The following EIF4G3 variants were observed in gnomAD, a reference collection of about 807,000 sequenced individuals.
EIF4G3 encodes the protein eIF-4-gamma 3.
Under a neutral mutation model 186.4 loss-of-function variants are expected in EIF4G3, and 34 were observed. That is an observed-to-expected ratio of 0.18 (90% CI 0.14 to 0.24). The LOEUF (loss-of-function observed/expected upper bound fraction) is 0.24. Among genes scored for constraint, EIF4G3 ranks in the 10% least tolerant of loss-of-function variants. EIF4G3 has a pLI of 1.00. For synonymous variants in EIF4G3, 673 were observed against 679.5 expected, an observed-to-expected ratio of 0.99 and a Z score of 0.15; for missense variants, 1,536 against 1,948.5, an observed-to-expected ratio of 0.79 and a Z score of 3.99.
intron 14 of EIF4G3, among the ~76,000 whole-genome samples, chr1:20,927,643 C>T (rs187392681): frequency 6.6e-6 from 1 of 152,220 alleles, no homozygotes; most frequent in African/African-American, 2.4e-5. Flanking sequence ...AGAAGGGTCT[C>T]AGGTAGGAGA....
intron 29 of EIF4G3, chr1:20,847,868 G>A (rs915617011): frequency 2.1e-6 from 1 of 470,924 alleles, no homozygotes; most frequent in Non-Finnish European, 4.4e-6. Flanking sequence ...GAATTTCAGA[G>A]GCTTGAAGGC....
chr1:20,914,098 A>T (rs1266983385), intron 14 of EIF4G3, among the ~76,000 whole-genome samples: 1 of 148,792 alleles, frequency 6.7e-6, no homozygotes, highest in Non-Finnish European at 1.5e-5. Flanking sequence ...ATGAGCCACC[A>T]CGCCCTGCCT....
intron 3 of EIF4G3, among the ~76,000 whole-genome samples, chr1:21,086,765 C>G (rs946843573): frequency 6.6e-6 from 1 of 151,622 alleles, no homozygotes. Context: ...TATGGTGAAA[C>G]CCCATCTTTA....
chr1:20,951,470 T>C (rs1444603197), intron 12 of EIF4G3, among the ~76,000 whole-genome samples: 1 of 151,972 alleles, frequency 6.6e-6, no homozygotes, highest in Non-Finnish European at 1.5e-5. Flanking sequence ...ATAAAGAAAA[T>C]AGCACTGCTG....
intron 18 of EIF4G3, among the ~76,000 whole-genome samples, chr1:20,888,749 C>T (rs1426098035): frequency 1.3e-5 from 2 of 152,088 alleles, no homozygotes; most frequent in African/African-American, 4.8e-5. Context: ...ATCATCAACA[C>T]CAAAGGATCA....
chr1:20,988,377 A>C lies in EIF4G3; in HGVS notation c.178-5969T>G, dbSNP rs1364533990. The stretch of plus-strand genomic sequence containing the variant: ...ACTTCTCTTTAGCTAGGACTTTCAC[A>C]GCTAGTGAGAAGTCAATGCCTGGCA... On this transcript the variant is annotated intron_variant, in intron 7 of 36. Coordinates refer to ENST00000602326, the MANE Select transcript of EIF4G3 (RefSeq NM_001391906.1). The C allele has an allele frequency of 1.8e-5, 3 of 169,916 alleles. No homozygotes were observed. The Admixed American group carries it at 2.0e-4, about 11-fold the overall frequency. 10.5% of individuals were successfully genotyped at this position (169,916 alleles called of 1,614,324 possible). A position where few individuals can be genotyped will look rare whatever the true frequency, so the allele number is the denominator to read the frequency against.
intron 4 of EIF4G3, among the ~76,000 whole-genome samples, chr1:21,005,128 G>GA (rs909933156): frequency 1.3e-5 from 2 of 152,100 alleles, no homozygotes; most frequent in Non-Finnish European, 2.9e-5. Flanking sequence ...CTGAAAGGCT[G>GA]AAAGTTTGAC....
At chr1:21,090,381 A>T (rs1454913038) in intron 2 of EIF4G3, among the ~76,000 whole-genome samples, 1 of 152,216 alleles carries the variant, frequency 6.6e-6, no homozygotes, top group Admixed American at 6.5e-5. Flanking sequence ...TACACTTGCA[A>T]AGACTAAATT....
intron 14 of EIF4G3, among the ~76,000 whole-genome samples, chr1:20,912,564 A>T (rs1269282731): frequency 1.3e-5 from 2 of 152,194 alleles, no homozygotes; most frequent in Admixed American, 6.5e-5. Flanking sequence ...AAGACTTTCC[A>T]ACTATAGACA....
At chr1:21,148,070 C>T (rs1344626982) in intron 2 of EIF4G3, among the ~76,000 whole-genome samples, 2 of 152,068 alleles carry the variant, frequency 1.3e-5, no homozygotes, top group East Asian at 1.9e-4. Context: ...TCCAGCATGG[C>T]TTTTTTTCTT....
intron 18 of EIF4G3, chr1:20,892,573 A>G (rs2086452792): frequency 1.6e-6 from 2 of 1,260,092 alleles, no homozygotes; most frequent in African/African-American, 1.5e-5. Context: ...AGAAAATATT[A>G]TAACACCAGA....
At chr1:20,815,687 T>C (rs2060504457) in intron 34 of EIF4G3, among the ~76,000 whole-genome samples, 1 of 137,280 alleles carries the variant, frequency 7.3e-6, no homozygotes, top group Non-Finnish European at 1.6e-5. Context: ...AGCCGCCCCG[T>C]CCGGGAGGTG....
chr1:20,879,240 A>G (rs1444104957), intron 20 of EIF4G3, 83 bp downstream of exon 20: 9 of 1,099,446 alleles, frequency 8.2e-6, no homozygotes, highest in Admixed American at 2.9e-5. Context: ...TGTTGCCCCA[A>G]TAACACTTCT....
In EIF4G3 at chr1:20,975,881, C is replaced by T. The variant is rs528891474; in HGVS notation, c.494-2782G>A. On this transcript the variant is annotated intron_variant, in intron 10 of 36. Coordinates refer to ENST00000602326, the MANE Select transcript of EIF4G3 (RefSeq NM_001391906.1). The stretch of plus-strand genomic sequence containing the variant: ...ATAAAGTTTTATTGGAAGACACCCA[C>T]GTACAGTAGTTTATCAACTGTCTAT... 4.0e-5 allele frequency among the ~76,000 whole-genome samples: 6 copies of T among 151,848 alleles called. No homozygotes were observed. The South Asian group carries it at 1.0e-3, about 26-fold the overall frequency.
chr1:20,972,886 A>T, intron 11 of EIF4G3, 116 bp downstream of exon 11: 2 of 666,518 alleles, frequency 3.0e-6, no homozygotes, highest in Non-Finnish European at 2.2e-6. Context: ...GGGAAGAATA[A>T]AAAAAAAAAA....
chr1:21,072,907 T>C (rs2095485070), intron 3 of EIF4G3, among the ~76,000 whole-genome samples: 1 of 152,212 alleles, frequency 6.6e-6, no homozygotes, highest in African/African-American at 2.4e-5. Context: ...TATCAAGCTC[T>C]AGGAGGTTTA....
chr1:20,825,549 T>C (rs575346268), intron 32 of EIF4G3, among the ~76,000 whole-genome samples: 7 of 152,344 alleles, frequency 4.6e-5, no homozygotes, highest in South Asian at 2.1e-4. Context: ...TGGTGAATAA[T>C]TGAAGTACAG....
intron 14 of EIF4G3, among the ~76,000 whole-genome samples, chr1:20,910,631 C>T (rs1029825438): frequency 6.6e-6 from 1 of 152,054 alleles, no homozygotes; most frequent in Non-Finnish European, 1.5e-5. Context: ...TCTTGATTAT[C>T]TTTAGAAAAT....
rs145353891 is a variant in EIF4G3, at chr1:21,141,116, G to C, written c.-272+35059C>G. 4.1e-4 allele frequency among the ~76,000 whole-genome samples: 63 copies of C among 152,102 alleles called. 1 individual carries two copies. The East Asian group carries it at 0.012, about 28-fold the overall frequency. On this transcript the variant is annotated intron_variant, in intron 2 of 36. Coordinates refer to ENST00000602326, the MANE Select transcript of EIF4G3 (RefSeq NM_001391906.1). ...AATGTTAACCCTCAAAAAAATCCTA[G>C]GAACAATTATAATTCCCATATTTCA...
Sources: gnomAD v4.1 joint callset for allele counts (sites outside exome capture counted in the v4.1 genomes callset) on GRCh38, gnomAD v4.1.1 for gene constraint, MANE v1.5 for transcripts, NCBI Gene and HGNC (gene_info 2026-07-23, HGNC 2026-07-21) for gene names.